Variants in ADAM17 observed in about 807,000 individuals in gnomAD.
The protein encoded by ADAM17 is disintegrin and metalloproteinase domain-containing protein 17.
In ADAM17, 39 loss-of-function variants were observed where a neutral mutation model predicts 96.7. The observed-to-expected ratio is 0.40, with a 90% confidence interval of 0.31 to 0.53. The LOEUF (loss-of-function observed/expected upper bound fraction) is 0.53. Ranked by LOEUF, ADAM17 falls within the 20% of genes least tolerant of loss-of-function variation. The pLI is 0.44. For synonymous variants in ADAM17, 344 were observed against 359.2 expected (o/e 0.96, Z 0.48); for missense variants, 777 against 1,013.2 (o/e 0.77, Z 3.17).
chr2:9,518,460 C>T (rs929547335), intron 8 of ADAM17, among the ~76,000 whole-genome samples: 1 of 152,156 alleles, frequency 6.6e-6, no homozygotes, highest in African/African-American at 2.4e-5. Context: ...ACACTGTCAT[C>T]TGACAAGGGA....
At chr2:9,498,185 A>G (rs562754064) in intron 13 of ADAM17, among the ~76,000 whole-genome samples, 9 of 151,502 alleles carry the variant, frequency 5.9e-5, no homozygotes, top group African/African-American at 1.9e-4. Context: ...GTACGCCACC[A>G]TACCTGGCTA....
intron 2 of ADAM17, 151 bp downstream of exon 2, chr2:9,543,002 T>A: frequency 9.6e-7 from 1 of 1,037,770 alleles, no homozygotes; most frequent in Non-Finnish European, 1.3e-6. Flanking sequence ...CCAGCCCCAG[T>A]ATGAATTTTA....
intron 13 of ADAM17, among the ~76,000 whole-genome samples, chr2:9,500,933 G>A (rs1477943030): frequency 1.3e-5 from 2 of 152,170 alleles, no homozygotes; most frequent in East Asian, 3.8e-4. Context: ...AAGCAGCTGT[G>A]GAAAATATCT....
intron 17 of ADAM17, 34 bp downstream of exon 17, chr2:9,492,864 A>G: frequency 6.5e-7 from 1 of 1,547,958 alleles, no homozygotes; most frequent in Non-Finnish European, 8.8e-7. Flanking sequence ...AAATTTAAAT[A>G]AAACATTTAA....
intron 1 of ADAM17, among the ~76,000 whole-genome samples, chr2:9,553,914 T>C: frequency 6.6e-6 from 1 of 151,588 alleles, no homozygotes; most frequent in Non-Finnish European, 1.5e-5. Context: ...ATACAAAAAT[T>C]AGCTGGGCGT....
intron 11 of ADAM17, among the ~76,000 whole-genome samples, chr2:9,508,114 G>C (rs532036363): frequency 2.0e-3 from 301 of 152,270 alleles, no homozygotes; most frequent in Non-Finnish European, 3.2e-3. Flanking sequence ...AAAACATTTT[G>C]CTCCCAAGTT....
At chr2:9,528,059 G>A (rs545418493) in intron 4 of ADAM17, 105 bp from the exon 5 acceptor site, 9 of 775,224 alleles carry the variant, frequency 1.2e-5, no homozygotes, top group Middle Eastern at 4.0e-4. Flanking sequence ...TTCATTTCTA[G>A]GTTAAGTAAA....
In ADAM17 at chr2:9,510,144, G is replaced by A; in HGVS notation, c.1192-13C>T. On this transcript the variant is annotated splice_polypyrimidine_tract_variant and intron_variant, in intron 10 of 18. Transcript: ENST00000310823. ...CCAGGTCAGCTTCCTTAAGGATCATGCAAAGAAAACATTATTTCTCAATAT... is the reference window on the plus strand; with the variant it reads ...CCAGGTCAGCTTCCTTAAGGATCATACAAAGAAAACATTATTTCTCAATAT... The A allele has an allele frequency of 6.2e-7, 1 of 1,613,740 alleles. No homozygotes were observed. Among genetic ancestry groups the A allele is most frequent in the Non-Finnish European group, 8.5e-7 (1 of 1,179,876 alleles).
intron 15 of ADAM17, among the ~76,000 whole-genome samples, chr2:9,494,034 C>G (rs1662366070): frequency 6.6e-6 from 1 of 152,124 alleles, no homozygotes; most frequent in South Asian, 2.1e-4. Flanking sequence ...TCCATTTTTA[C>G]AAGTGATTTA....
At chr2:9,493,943 A>C in intron 15 of ADAM17, 118 bp from the exon 16 acceptor site, 1 of 764,274 alleles carries the variant, frequency 1.3e-6, no homozygotes, top group Non-Finnish European at 2.1e-6. Flanking sequence ...ACGTTTTCCC[A>C]TCTTTGACAC....
At chr2:9,539,800 T>C (rs1157459389) in intron 2 of ADAM17, among the ~76,000 whole-genome samples, 4 of 152,208 alleles carry the variant, frequency 2.6e-5, no homozygotes, top group Non-Finnish European at 5.9e-5. Context: ...CCTACTTTCA[T>C]TTACTCACTG....
chr2:9,553,192 CTAAGAT>C (rs1251018451), intron 1 of ADAM17, among the ~76,000 whole-genome samples: 2 of 152,162 alleles, frequency 1.3e-5, no homozygotes, highest in Admixed American at 1.3e-4. Flanking sequence ...GACTTGATCT[CTAAGAT>C]TCATTTGGTG....
Position 9,502,203 on chromosome 2 carries a change from C to T in ADAM17, c.1618G>A (p.Ala540Thr). The T allele has an allele frequency of 1.2e-6, 2 of 1,614,132 alleles. No individual in the cohort carries two copies. The highest frequency in any genetic ancestry group is 1.7e-6 in the Non-Finnish European group (2 of 1,180,028). Residue 540 changes from alanine to threonine, a missense_variant, in exon 13 of 19, where the codon GCT becomes ACT. Ala to Thr is a moderately conservative substitution (Grantham distance 58). Transcript: ENST00000310823. ...AQKKCQEAINATCKGVSYCTG... is the reference protein window; with the variant it reads ...AQKKCQEAINTTCKGVSYCTG... ...CAGTAGGACACGCCTTTGCAAGTAG[C>T]ATTAATCGCCTCCTGGCACTTCTTC... is the stretch of plus-strand genomic sequence containing the variant.
chr2:9,518,221 T>C lies in ADAM17; in HGVS notation c.984A>G (p.Glu328=), dbSNP rs1237237537. 1.3e-6 allele frequency: 2 copies of C among 1,553,148 alleles called. No homozygotes were observed. The highest frequency in any genetic ancestry group is 1.2e-5 in the South Asian group (1 of 81,258). The part of the protein sequence containing the change: ...LEQFSFDIAE[E]ASKVCLAHLF... Reference sequence around the variant, plus strand: ...GGTGTGCCAAGCAAACTTTAGATGCTTCCTCAGCTATATCAAAGCTAAATT... The same window carrying C: ...GGTGTGCCAAGCAAACTTTAGATGCCTCCTCAGCTATATCAAAGCTAAATT... The change falls in exon 9 of 19, where the codon GAA becomes GAG. Residue 328 remains glutamate (E), a synonymous_variant. Transcript: ENST00000310823.
At chr2:9,512,186 C>A (rs1435623914) in intron 10 of ADAM17, 1 of 151,806 alleles carries the variant, frequency 6.6e-6, no homozygotes, top group Non-Finnish European at 1.5e-5. Context: ...ACTCAAATCC[C>A]AAAGGTGTAA....
chr2:9,545,180 C>G lies in ADAM17; in HGVS notation c.98-1895G>C, dbSNP rs572795473. ...TTAAAAATGCAAATGCTCAGGTCTCCCCTCAGACCTGCTCAAACAGAAATC... is the reference window on the plus strand; with the variant it reads ...TTAAAAATGCAAATGCTCAGGTCTCGCCTCAGACCTGCTCAAACAGAAATC... On this transcript the variant is annotated intron_variant, in intron 1 of 18. Transcript: ENST00000310823. 6.6e-5 allele frequency among the ~76,000 whole-genome samples: 10 copies of G among 152,304 alleles called. No homozygotes were observed. The East Asian group carries it at 1.7e-3, about 26-fold the overall frequency.
chr2:9,498,734 A>G (rs952903912), intron 13 of ADAM17, among the ~76,000 whole-genome samples: 1 of 152,198 alleles, frequency 6.6e-6, no homozygotes, highest in Non-Finnish European at 1.5e-5. Context: ...TGAAAGTATG[A>G]TGTCCAGTGA....
Position 9,494,705 on chromosome 2 carries a change from C to G in ADAM17, c.1846G>C (p.Asp616His). ...DLSGRCVPYVDAEQKNLFLRK... is the reference protein window; with the variant it reads ...DLSGRCVPYVHAEQKNLFLRK... ...AAAAATAAGTTCTTTTGTTCAGCAT[C>G]GACATAGGGCACACAGCGGCCAGAA... is the stretch of plus-strand genomic sequence containing the variant. The change falls in exon 15 of 19, where the codon GAT (aspartate) becomes CAT (histidine). Residue 616 changes from aspartate to histidine, a missense_variant. By Grantham distance (81) the Asp-to-His change is moderately conservative. Coordinates refer to ENST00000310823, the MANE Select transcript of ADAM17 (RefSeq NM_003183.6). 1.2e-6 allele frequency: 2 copies of G among 1,614,066 alleles called. No individual in the cohort carries two copies. The highest frequency in any genetic ancestry group is 1.7e-6 in the Non-Finnish European group (2 of 1,179,982).
chr2:9,500,193 G>A (rs1662916699), intron 13 of ADAM17, among the ~76,000 whole-genome samples: 1 of 152,180 alleles, frequency 6.6e-6, no homozygotes, highest in South Asian at 2.1e-4. Flanking sequence ...GCATATCCAT[G>A]CAATGGAATT....
Sources: gnomAD v4.1 joint callset for allele counts (sites outside exome capture counted in the v4.1 genomes callset) on GRCh38, gnomAD v4.1.1 for gene constraint, MANE v1.5 for transcripts, NCBI Gene and HGNC (gene_info 2026-07-23, HGNC 2026-07-21) for gene names.